Variants in DPYD observed in about 807,000 individuals in gnomAD.
The protein encoded by DPYD is dihydropyrimidine dehydrogenase.
In DPYD, 109 loss-of-function variants were observed where a neutral mutation model predicts 116.2. That is an observed-to-expected ratio of 0.94 (90% CI 0.80 to 1.10). The LOEUF (loss-of-function observed/expected upper bound fraction) is 1.10, where lower values mean the gene tolerates loss of function less well. Ranked by LOEUF, DPYD falls within the 50% of genes least tolerant of loss-of-function variation. DPYD has a pLI of 0.00. For missense variants in DPYD, 1,302 were observed against 1,254.5 expected (o/e 1.04, Z -0.57); for synonymous variants, 440 against 432.0 (o/e 1.02, Z -0.23).
At chr1:97,099,437 C>G (rs776865620) in intron 20 of DPYD, among the ~76,000 whole-genome samples, 2 of 152,032 alleles carry the variant, frequency 1.3e-5, no homozygotes, top group Non-Finnish European at 2.9e-5. Flanking sequence ...CAAGTTAACA[C>G]GAAAATGCCC....
intron 12 of DPYD, among the ~76,000 whole-genome samples, chr1:97,524,467 CA>C (rs1648908185): frequency 6.6e-6 from 1 of 152,088 alleles, no homozygotes; most frequent in Non-Finnish European, 1.5e-5. Flanking sequence ...GCACATTTTC[CA>C]CAAGGGGCTT....
intron 13 of DPYD, among the ~76,000 whole-genome samples, chr1:97,498,496 G>C (rs1240891368): frequency 6.8e-6 from 1 of 146,396 alleles, no homozygotes; most frequent in African/African-American, 2.7e-5. Context: ...TTCTCTGTGT[G>C]TGTGTGTGTG....
chr1:97,798,361 C>A (rs1667684277), intron 3 of DPYD, among the ~76,000 whole-genome samples: 1 of 149,442 alleles, frequency 6.7e-6, no homozygotes, highest in East Asian at 1.9e-4. Flanking sequence ...CAAATATAAA[C>A]ATGGTTTCAA....
At chr1:97,474,289 T>C (rs1235880273) in intron 13 of DPYD, among the ~76,000 whole-genome samples, 1 of 152,018 alleles carries the variant, frequency 6.6e-6, no homozygotes, top group African/African-American at 2.4e-5. Context: ...AATATAAATA[T>C]TAACACAATG....
At chr1:97,391,199 A>C (rs1215424844) in intron 14 of DPYD, among the ~76,000 whole-genome samples, 1 of 151,942 alleles carries the variant, frequency 6.6e-6, no homozygotes, top group Non-Finnish European at 1.5e-5. Flanking sequence ...AATATCTATT[A>C]ATACATGCAG....
intron 1 of DPYD, among the ~76,000 whole-genome samples, chr1:97,893,995 A>T (rs1297550585): frequency 6.6e-6 from 1 of 151,932 alleles, no homozygotes; most frequent in East Asian, 1.9e-4. Flanking sequence ...GTAGTGACTA[A>T]TTCTGACATA....
intron 13 of DPYD, among the ~76,000 whole-genome samples, chr1:97,473,714 A>G (rs1414536526): frequency 6.6e-6 from 1 of 152,208 alleles, no homozygotes; most frequent in Non-Finnish European, 1.5e-5. Context: ...GCTATTATTG[A>G]AAACAGTATG....
intron 18 of DPYD, among the ~76,000 whole-genome samples, chr1:97,238,963 C>T (rs1361980442): frequency 1.3e-5 from 2 of 152,124 alleles, no homozygotes; most frequent in Non-Finnish European, 2.9e-5. Context: ...TGAGTTCCCA[C>T]GTTTTGAAAC....
At chr1:97,724,566 T>C (rs1046076258) in intron 4 of DPYD, among the ~76,000 whole-genome samples, 2 of 151,458 alleles carry the variant, frequency 1.3e-5, no homozygotes, top group Non-Finnish European at 3.0e-5. Flanking sequence ...ATTTCAAAGG[T>C]AGTCAGACAG....
chr1:97,170,890 G>A (rs1399249261), intron 20 of DPYD, among the ~76,000 whole-genome samples: 1 of 152,012 alleles, frequency 6.6e-6, no homozygotes, highest in Non-Finnish European at 1.5e-5. Flanking sequence ...TGGTCAGGCT[G>A]GTTCGAGCTC....
intron 1 of DPYD, among the ~76,000 whole-genome samples, chr1:97,910,095 A>G (rs891298157): frequency 6.6e-6 from 1 of 152,100 alleles, no homozygotes; most frequent in Non-Finnish European, 1.5e-5. Context: ...ACCATGTGAA[A>G]AAAGACCCTA....
intron 3 of DPYD, among the ~76,000 whole-genome samples, chr1:97,758,617 G>A (rs1009658362): frequency 6.6e-6 from 1 of 152,162 alleles, no homozygotes; most frequent in Non-Finnish European, 1.5e-5. Flanking sequence ...TACATTAAGT[G>A]ATTAGGATAT....
At chr1:97,566,603 AC>A (rs1239781288) in intron 11 of DPYD, among the ~76,000 whole-genome samples, 1 of 152,140 alleles carries the variant, frequency 6.6e-6, no homozygotes, top group Non-Finnish European at 1.5e-5. Flanking sequence ...GTTCTTTGAA[AC>A]TTCATTGTAA....
intron 19 of DPYD, among the ~76,000 whole-genome samples, chr1:97,233,914 T>C (rs1187444462): frequency 6.6e-6 from 1 of 152,240 alleles, no homozygotes; most frequent in African/African-American, 2.4e-5. Flanking sequence ...CCATTAGCTT[T>C]CTAATACATA....
intron 14 of DPYD, among the ~76,000 whole-genome samples, chr1:97,387,577 C>A (rs1004559900): frequency 6.6e-6 from 1 of 151,992 alleles, no homozygotes; most frequent in Non-Finnish European, 1.5e-5. Context: ...AGGAGGAGAG[C>A]ATGACAGAGA....
chr1:97,282,571 C>T (rs910188388), intron 18 of DPYD, among the ~76,000 whole-genome samples: 2 of 151,884 alleles, frequency 1.3e-5, no homozygotes, highest in Non-Finnish European at 2.9e-5. Context: ...TAAAATTCAA[C>T]TTTTTTCTTG....
At chr1:97,583,350 G>A (rs1395282672) in intron 10 of DPYD, among the ~76,000 whole-genome samples, 3 of 152,020 alleles carry the variant, frequency 2.0e-5, no homozygotes, top group African/African-American at 7.2e-5. Context: ...AAGATTTAGG[G>A]TACATGTGCA....
At chr1:97,802,535 A>C (rs1329589471) in intron 3 of DPYD, among the ~76,000 whole-genome samples, 1 of 151,886 alleles carries the variant, frequency 6.6e-6, no homozygotes, top group Non-Finnish European at 1.5e-5. Context: ...TACTACTCAA[A>C]GCACAATTTT....
At chr1:97,365,555 TA>T (rs1201631907) in intron 16 of DPYD, among the ~76,000 whole-genome samples, 1 of 152,196 alleles carries the variant, frequency 6.6e-6, no homozygotes, top group African/African-American at 2.4e-5. Flanking sequence ...GGGTGATTTT[TA>T]AAAAACTTAA....
Sources: allele counts gnomAD v4.1 joint callset (sites outside exome capture counted in the v4.1 genomes callset), GRCh38; gene constraint gnomAD v4.1.1; transcripts MANE v1.5; gene names NCBI Gene and HGNC (gene_info 2026-07-23, HGNC 2026-07-21).